ZNF469: variants seen among roughly 807,000 people sequenced by gnomAD.
ZNF469 encodes zinc finger protein 469.
ZNF469 carries 1 observed loss-of-function variant against 1.0 expected under a neutral mutation model. That is an observed-to-expected ratio of 1.00 (90% CI 0.35 to 4.73). The LOEUF is 4.73. Among genes scored for constraint, ZNF469 ranks in the 30% most tolerant of loss-of-function variants. The pLI, the probability that ZNF469 is intolerant of heterozygous loss-of-function variation, is 0.16. For synonymous variants in ZNF469, 2,703 were observed against 2,363.4 expected, an observed-to-expected ratio of 1.14 and a Z score of -4.17; for missense variants, 6,100 against 5,356.3, an observed-to-expected ratio of 1.14 and a Z score of -4.33.
rs1286676930 is a variant in ZNF469 at position 88,383,246 on chromosome 16, G to C, written c.-200G>C. ...CGGCGTGGCGGGCGGAGCGGGCCTC[G>C]GAGCGGAGGTGAGTGCGGATGCGCC... On this transcript the variant is annotated 5_prime_UTR_variant, in exon 1 of 3. Transcript: ENST00000565624. Among the ~76,000 whole-genome samples the C allele has an allele frequency of 6.8e-6, 1 of 147,142 alleles. No homozygotes were observed. Among genetic ancestry groups the C allele is most frequent in the Non-Finnish European group, 1.5e-5 (1 of 66,028 alleles).
At chr16:88,252,007 C>T in the ZNF469 span, among the ~76,000 whole-genome samples, 1 of 150,336 alleles carries the variant, frequency 6.7e-6, no homozygotes, top group African/African-American at 2.4e-5. Context: ...GGCTTCCTTG[C>T]TTCCAGTGAG....
upstream of ZNF469, among the ~76,000 whole-genome samples, chr16:88,381,339 CACAG>C (rs2092524476): frequency 3.5e-5 from 5 of 142,914 alleles, no homozygotes; most frequent in Admixed American, 6.7e-5. Flanking sequence ...TGCACTCGCA[CACAG>C]ACACACACTT....
the ZNF469 span, among the ~76,000 whole-genome samples, chr16:88,170,058 T>C: frequency 4.9e-3 from 743 of 152,348 alleles, 8 homozygotes; most frequent in Admixed American, 7.7e-3. The surrounding 1 kb of genome is among the most constrained non-coding windows in gnomAD (Gnocchi z 4.2). Flanking sequence ...CGAGTCCCGC[T>C]TGTGGCTGCT....
At chr16:88,338,313 A>G in the ZNF469 span, among the ~76,000 whole-genome samples, 4 of 152,238 alleles carry the variant, frequency 2.6e-5, no homozygotes, top group East Asian at 5.8e-4. Context: ...GCTGCGGGAT[A>G]GTGCTCTGTG....
the ZNF469 span, among the ~76,000 whole-genome samples, chr16:88,120,204 A>C: frequency 2.4e-4 from 37 of 152,086 alleles, no homozygotes; most frequent in Non-Finnish European, 4.0e-4. Flanking sequence ...GCCGAGGAGG[A>C]GAGCAATCTT....
chr16:88,206,271 C>T, the ZNF469 span, among the ~76,000 whole-genome samples: 3 of 152,218 alleles, frequency 2.0e-5, no homozygotes, highest in African/African-American at 7.2e-5. Context: ...TCTCCTGGGG[C>T]CCATCCTGGG....
the ZNF469 span, among the ~76,000 whole-genome samples, chr16:88,342,611 G>C: frequency 3.3e-5 from 5 of 152,202 alleles, no homozygotes; most frequent in African/African-American, 4.8e-5. Flanking sequence ...TCCTGCCAGG[G>C]CCCGTCATGC....
At chr16:88,154,137 A>T in the ZNF469 span, among the ~76,000 whole-genome samples, 4 of 152,136 alleles carry the variant, frequency 2.6e-5, no homozygotes, top group African/African-American at 9.7e-5. Flanking sequence ...TTTTCTAAGC[A>T]TCTTTTTTGT....
chr16:88,313,576 A>G, the ZNF469 span, among the ~76,000 whole-genome samples: 1 of 150,742 alleles, frequency 6.6e-6, no homozygotes, highest in Non-Finnish European at 1.5e-5. Context: ...TGTAATTAAG[A>G]CAATGATGGT....
intron 1 of ZNF469, among the ~76,000 whole-genome samples, chr16:88,423,596 G>A (rs921107400): frequency 3.3e-5 from 5 of 152,188 alleles, no homozygotes; most frequent in Admixed American, 6.5e-5. Flanking sequence ...ACAGCCTAGC[G>A]GGTGGTTCTG....
the ZNF469 span, among the ~76,000 whole-genome samples, chr16:88,163,274 G>A: frequency 3.6e-5 from 3 of 84,064 alleles, 1 homozygote; most frequent in Non-Finnish European, 7.2e-5. Context: ...TGAATAGATG[G>A]GTAGATAGGT....
rs371091595 is a variant in ZNF469, at chr16:88,427,506, C to T, written c.36C>T (p.Pro12=). 1.3e-6 allele frequency: 2 copies of T among 1,531,478 alleles called. No homozygotes were observed. Among genetic ancestry groups the T allele is most frequent in the South Asian group, 2.4e-5 (2 of 83,604 alleles). 94.9% of individuals were successfully genotyped at this position (1,531,478 alleles called of 1,614,324 possible). The stretch of plus-strand genomic sequence containing the variant: ...AGCGCCCCCGAGGAGCGCCGCCCCC[C>T]ACCATGACTGGAGACCTGCAGCCCC... The part of the protein sequence containing the change: ...PGERPRGAPP[P]TMTGDLQPRQ... Residue 12 remains proline (P), a synonymous_variant, in exon 3 of 3, where the codon CCC becomes CCT. Coordinates refer to ENST00000565624, the MANE Select transcript of ZNF469 (RefSeq NM_001367624.2).
the ZNF469 span, among the ~76,000 whole-genome samples, chr16:88,119,397 G>C: frequency 6.6e-6 from 1 of 152,198 alleles, no homozygotes. Context: ...CATCTGTGCC[G>C]GGTGTTTGTC....
chr16:88,195,592 C>T, the ZNF469 span, among the ~76,000 whole-genome samples: 1 of 152,148 alleles, frequency 6.6e-6, no homozygotes, highest in African/African-American at 2.4e-5. Flanking sequence ...GGGTGAGAGT[C>T]TCTCTGTCAT....
chr16:88,231,245 C>T, the ZNF469 span, among the ~76,000 whole-genome samples: 2 of 152,158 alleles, frequency 1.3e-5, no homozygotes, highest in Non-Finnish European at 2.9e-5. This position sits in a 1 kb window ranked among gnomAD's most constrained non-coding sequence, Gnocchi z 4.5. Flanking sequence ...CAGAGCCCAG[C>T]AGGAGGGAGA....
the ZNF469 span, among the ~76,000 whole-genome samples, chr16:88,369,905 C>T: frequency 6.6e-6 from 1 of 152,260 alleles, no homozygotes; most frequent in South Asian, 2.1e-4. Flanking sequence ...CGCTCCTTCC[C>T]TCCTGGGGAC....
chr16:88,358,492 C>T, the ZNF469 span, among the ~76,000 whole-genome samples: 152 of 152,232 alleles, frequency 1.0e-3, no homozygotes, highest in African/African-American at 3.4e-3. Context: ...CCGAACATTC[C>T]GGGATCCAGG....
intron 1 of ZNF469, among the ~76,000 whole-genome samples, chr16:88,407,051 G>C (rs1905044567): frequency 6.6e-6 from 1 of 152,220 alleles, no homozygotes; most frequent in Non-Finnish European, 1.5e-5. Context: ...GTGCTTATCT[G>C]AGAAGCCTGC....
At chr16:88,409,563 C>A (rs975009294) in intron 1 of ZNF469, among the ~76,000 whole-genome samples, 5 of 152,100 alleles carry the variant, frequency 3.3e-5, no homozygotes, top group Non-Finnish European at 7.4e-5. Flanking sequence ...GGGGGCCAGC[C>A]GGGGAGGGGT....
Sources: allele counts gnomAD v4.1 joint callset (sites outside exome capture counted in the v4.1 genomes callset), GRCh38; gene constraint gnomAD v4.1.1; non-coding constraint Gnocchi (gnomAD v3.1); transcripts MANE v1.5; gene names NCBI Gene and HGNC (gene_info 2026-07-23, HGNC 2026-07-21).